Variants in MRTFB observed in about 807,000 individuals in gnomAD.
MRTFB encodes myocardin related transcription factor B, also known as myocardin-related transcription factor B.
In MRTFB, 29 loss-of-function variants were observed where a neutral mutation model predicts 104.2. The observed-to-expected ratio is 0.28, with a 90% CI of 0.21 to 0.38. MRTFB has a LOEUF of 0.38. Ranked by LOEUF, MRTFB falls within the 10% of genes least tolerant of loss-of-function variation. The pLI is 1.00. For missense variants in MRTFB, 1,270 were observed against 1,341.6 expected (o/e 0.95, Z 0.83); for synonymous variants, 535 against 519.5 (o/e 1.03, Z -0.41).
At chr16:14,054,808 G>A in the MRTFB span, among the ~76,000 whole-genome samples, 3 of 152,144 alleles carry the variant, frequency 2.0e-5, no homozygotes, top group African/African-American at 7.2e-5. Flanking sequence ...AAGCTCTGAA[G>A]GGCCTTACTT....
chr16:14,069,065 G>C (rs887382984), upstream of MRTFB, among the ~76,000 whole-genome samples: 3 of 148,364 alleles, frequency 2.0e-5, no homozygotes, highest in East Asian at 6.1e-4. Flanking sequence ...CTCTTCCCAG[G>C]TTCAAGCGAT....
intron 2 of MRTFB, among the ~76,000 whole-genome samples, chr16:14,084,024 A>G (rs2034562411): frequency 6.6e-6 from 1 of 152,236 alleles, no homozygotes. Flanking sequence ...TTGAGAAGAT[A>G]CCTGTGGTTC....
chr16:14,186,646 T>G, intron 3 of MRTFB: 1 of 1,217,520 alleles, frequency 8.2e-7, no homozygotes, highest in East Asian at 4.5e-5. Context: ...AGGGGTGGGA[T>G]TTTAGAATCG....
In MRTFB at chr16:14,266,616, T is replaced by G. The variant is rs1342887310; in HGVS notation, c.*5172T>G. 2.0e-5 allele frequency: 3 copies of G among 152,374 alleles called. No homozygotes were observed. Among genetic ancestry groups the G allele is most frequent in the Middle Eastern group, 3.4e-3 (1 of 294 alleles). The allele number at this position is 152,374 out of a possible 1,614,324, so 9.4% of individuals were successfully genotyped here. On this transcript the variant is annotated 3_prime_UTR_variant, in exon 17 of 17. Transcript: ENST00000571589. ...GTTTGAATGCCATACATTTTGCACA[T>G]GTACTGTACATAAGTAATGCATACT... is the stretch of plus-strand genomic sequence containing the variant.
intron 2 of MRTFB, among the ~76,000 whole-genome samples, chr16:14,096,899 A>G (rs1236444006): frequency 2.0e-5 from 3 of 152,240 alleles, no homozygotes; most frequent in Admixed American, 1.3e-4. Flanking sequence ...CTTGCTGTAC[A>G]TAGAAGTAGT....
chr16:14,226,503 C>G (rs1597308346), intron 8 of MRTFB, among the ~76,000 whole-genome samples: 1 of 152,248 alleles, frequency 6.6e-6, no homozygotes. Flanking sequence ...GAAGTTGGAC[C>G]TTTACCTAAC....
chr16:14,054,869 A>G, the MRTFB span, among the ~76,000 whole-genome samples: 4 of 152,218 alleles, frequency 2.6e-5, no homozygotes, highest in Non-Finnish European at 5.9e-5. Flanking sequence ...TGCTGCTAGA[A>G]AACCCTATCA....
the MRTFB span, among the ~76,000 whole-genome samples, chr16:14,017,709 A>ATTTTTTT: frequency 8.2e-4 from 13 of 15,924 alleles, 1 homozygote; most frequent in African/African-American, 1.5e-3. Flanking sequence ...ATATATATAT[A>ATTTTTTT]TATTTTTTTT....
intron 2 of MRTFB, among the ~76,000 whole-genome samples, chr16:14,101,891 C>G (rs1305516733): frequency 6.6e-6 from 1 of 152,004 alleles, no homozygotes; most frequent in Non-Finnish European, 1.5e-5. Flanking sequence ...TGAAACCAGC[C>G]TAATGTAATA....
chr16:14,025,006 C>A, the MRTFB span, among the ~76,000 whole-genome samples: 114 of 152,220 alleles, frequency 7.5e-4, 1 homozygote, highest in Admixed American at 4.6e-3. Context: ...ATAGCTTTTC[C>A]TTTTTTTGTA....
rs1160586834 is a variant in MRTFB, at chr16:14,177,386, C to G, written c.155-32857C>G. Among the ~76,000 whole-genome samples, 1 of 152,298 alleles carries G rather than the reference C, an allele frequency of 6.6e-6. No individual in the cohort carries two copies. The highest frequency in any genetic ancestry group is 1.9e-4 in the East Asian group (1 of 5,182). On this transcript the variant is annotated intron_variant, in intron 3 of 16. Coordinates refer to ENST00000571589, the MANE Select transcript of MRTFB (RefSeq NM_001308142.2). The surrounding 1 kb of genome is among the most constrained non-coding windows in gnomAD (Gnocchi z 4.7). ...TGGTTTTTAAGTGCATTGTCCAGAGCTGGACCAACCTGAGGTCTAGGCTAA... is the reference window on the plus strand; with the variant it reads ...TGGTTTTTAAGTGCATTGTCCAGAGGTGGACCAACCTGAGGTCTAGGCTAA...
chr16:14,165,048 G>A (rs182802262), intron 3 of MRTFB, among the ~76,000 whole-genome samples: 1 of 151,804 alleles, frequency 6.6e-6, no homozygotes, highest in East Asian at 1.9e-4. Context: ...GGCCAAAAAG[G>A]GTCACATGGT....
At chr16:14,199,634 C>A (rs888998766) in intron 3 of MRTFB, among the ~76,000 whole-genome samples, 13 of 152,226 alleles carry the variant, frequency 8.5e-5, no homozygotes, top group Admixed American at 1.3e-4. Flanking sequence ...CCTTGCCATA[C>A]ACTGTTGATT....
At chr16:14,084,049 A>G (rs966502203) in intron 2 of MRTFB, among the ~76,000 whole-genome samples, 1 of 152,108 alleles carries the variant, frequency 6.6e-6, no homozygotes, top group Admixed American at 6.5e-5. Flanking sequence ...GCATAGATGA[A>G]ATACTCTTGG....
the MRTFB span, among the ~76,000 whole-genome samples, chr16:14,053,524 A>G: frequency 6.6e-6 from 1 of 152,076 alleles, no homozygotes; most frequent in Non-Finnish European, 1.5e-5. Context: ...TGAGGTCAGG[A>G]GTTCGAGACC....
rs73518923 is a variant in MRTFB at position 14,234,301 on chromosome 16, A to G, written c.831+18A>G. 2,856 of 1,610,922 alleles carry G rather than the reference A, an allele frequency of 1.8e-3. 44 individuals carry two copies. The African/African-American group carries it at 0.033, about 19-fold the overall frequency. ...TGGTGAAGGTGGGTACTTTGGATACACCCTGGGTTTGGTGGCTTTATTTGT... is the reference window on the plus strand; with the variant it reads ...TGGTGAAGGTGGGTACTTTGGATACGCCCTGGGTTTGGTGGCTTTATTTGT... On this transcript the variant is annotated intron_variant, in intron 9 of 16. Coordinates refer to ENST00000571589, the MANE Select transcript of MRTFB (RefSeq NM_001308142.2).
the MRTFB span, among the ~76,000 whole-genome samples, chr16:14,011,764 G>C: frequency 6.6e-6 from 1 of 152,058 alleles, no homozygotes; most frequent in Non-Finnish European, 1.5e-5. Flanking sequence ...CCCAACTACT[G>C]GGGAGGCTGA....
chr16:14,127,919 ATATATATATATTTTTTTT>A (rs2037216806), intron 2 of MRTFB, among the ~76,000 whole-genome samples: 1 of 39,320 alleles, frequency 2.5e-5, no homozygotes, highest in African/African-American at 2.2e-4. Context: ...ATATATATAT[ATATATATATATTTTTTTT>A]TTTTTTTTTT....
At chr16:14,218,679 G>A (rs1391342604) in intron 7 of MRTFB, 141 bp from the exon 8 acceptor site, 13 of 727,520 alleles carry the variant, frequency 1.8e-5, no homozygotes, top group Non-Finnish European at 2.6e-5. Context: ...GTGTGTTCTT[G>A]CACTGGGAGG....
Sources: gnomAD v4.1 joint callset for allele counts (sites outside exome capture counted in the v4.1 genomes callset) on GRCh38, gnomAD v4.1.1 for gene constraint, Gnocchi (gnomAD v3.1) non-coding constraint, MANE v1.5 for transcripts, NCBI Gene and HGNC (gene_info 2026-07-23, HGNC 2026-07-21) for gene names.